The following MYCBP2 variants were observed in gnomAD, a reference collection of about 807,000 sequenced individuals.
MYCBP2 encodes the protein MYC binding protein 2.
Under a neutral mutation model 525.3 loss-of-function variants are expected in MYCBP2, and 120 were observed. That is an observed-to-expected ratio of 0.23 (90% CI 0.20 to 0.27). The LOEUF (loss-of-function observed/expected upper bound fraction) is 0.27. Ranked by LOEUF, MYCBP2 falls within the 10% of genes least tolerant of loss-of-function variation. The probability of loss-of-function intolerance (pLI) is 1.00; values close to 1 mark genes in which losing one functional copy is unlikely to be tolerated. For missense variants in MYCBP2, 4,149 were observed against 5,657.1 expected (o/e 0.73, Z 8.55); for synonymous variants, 1,894 against 1,955.8 (o/e 0.97, Z 0.83).
chr13:77,244,767 C>G (rs1305978042), intron 15 of MYCBP2, among the ~76,000 whole-genome samples: 5 of 152,142 alleles, frequency 3.3e-5, no homozygotes, highest in Admixed American at 6.5e-5. Flanking sequence ...ATTTACTCAT[C>G]TGACAAAGGG....
chr13:77,152,838 G>T (rs1325679960), intron 46 of MYCBP2, among the ~76,000 whole-genome samples: 1 of 152,086 alleles, frequency 6.6e-6, no homozygotes, highest in Non-Finnish European at 1.5e-5. Context: ...GTCTGAGGCG[G>T]GCGAATCACA....
chr13:77,267,748 T>A, intron 8 of MYCBP2, 93 bp downstream of exon 8: 1 of 968,098 alleles, frequency 1.0e-6, no homozygotes, highest in Non-Finnish European at 1.7e-6. Context: ...GCAAGCACTA[T>A]CCCTTGCTAA....
At chr13:77,223,784 T>C (rs2065901560) in intron 20 of MYCBP2, among the ~76,000 whole-genome samples, 1 of 152,196 alleles carries the variant, frequency 6.6e-6, no homozygotes, top group Non-Finnish European at 1.5e-5. Flanking sequence ...AGGTACACCC[T>C]TTCCCTTTAA....
intron 1 of MYCBP2, among the ~76,000 whole-genome samples, chr13:77,317,988 T>TAACAC (rs2081166615): frequency 6.7e-6 from 1 of 149,114 alleles, no homozygotes; most frequent in Non-Finnish European, 1.5e-5. Context: ...TAACATAACA[T>TAACAC]AACATAACAT....
chr13:77,184,002 CTCT>C (rs1169879909), intron 32 of MYCBP2, among the ~76,000 whole-genome samples: 1 of 151,948 alleles, frequency 6.6e-6, no homozygotes, highest in African/African-American at 2.4e-5. Flanking sequence ...TTGATTTCTG[CTCT>C]TATCTTTATT....
intron 1 of MYCBP2, among the ~76,000 whole-genome samples, chr13:77,307,929 T>G (rs2079672277): frequency 6.6e-6 from 1 of 152,172 alleles, no homozygotes; most frequent in African/African-American, 2.4e-5. Context: ...TTTTTCTTCC[T>G]CTTCCTGTCC....
At chr13:77,313,746 A>G (rs538784576) in intron 1 of MYCBP2, among the ~76,000 whole-genome samples, 1 of 152,062 alleles carries the variant, frequency 6.6e-6, no homozygotes, top group Non-Finnish European at 1.5e-5. Context: ...AATACCAAGA[A>G]CTTTTTTCCC....
chr13:77,206,674 G>C lies in MYCBP2; in HGVS notation c.3568C>G (p.His1190Asp). Residue 1190 changes from histidine (H) to aspartate (D), a missense_variant, in exon 24 of 83, where the codon CAT becomes GAT. Physicochemically the swap from His to Asp is moderately conservative, Grantham distance 81 (BLOSUM62 -1). Coordinates refer to ENST00000544440, the MANE Select transcript of MYCBP2 (RefSeq NM_015057.5). Reference sequence around the variant, plus strand: ...CTACCTAAAATGTGCAAAGCTGCATGAGATCGGGTAGTGAGGGCCCTTGAT... The same window carrying C: ...CTACCTAAAATGTGCAAAGCTGCATCAGATCGGGTAGTGAGGGCCCTTGAT... The part of the protein sequence containing the change: ...TGSRALTTRS[H>D]AALHILGCLD... 1 of 1,601,074 alleles carries C rather than the reference G, an allele frequency of 6.2e-7. No individual in the cohort carries two copies.
chr13:77,087,026 A>C (rs2044422823), intron 62 of MYCBP2, among the ~76,000 whole-genome samples: 1 of 152,088 alleles, frequency 6.6e-6, no homozygotes, highest in South Asian at 2.1e-4. Context: ...TTGAGGGTCT[A>C]TTTCTACTGT....
chr13:77,294,131 C>CATATATATATATACACAT lies in MYCBP2; in HGVS notation c.378+2467_378+2468insATGTGTATATATATATAT. Among the ~76,000 whole-genome samples the CATATATATATATACACAT allele has an allele frequency of 7.6e-5, 5 of 65,692 alleles. No individual in the cohort carries two copies. The East Asian group carries it at 1.1e-3, about 15-fold the overall frequency. The allele number at this position is 65,692 out of a possible 152,430, so 43.1% of individuals were successfully genotyped here. On this transcript the variant is annotated intron_variant, in intron 2 of 82. Coordinates refer to ENST00000544440, the MANE Select transcript of MYCBP2 (RefSeq NM_015057.5). ...ATATATATATATATATATATATATA[C>CATATATATATATACACAT]ATATATATATACATATATATAAAAT...
In MYCBP2 at chr13:77,098,509, C is replaced by T. The variant is rs181551745; in HGVS notation, c.8645G>A (p.Arg2882His). 2.5e-5 allele frequency: 40 copies of T among 1,613,660 alleles called. No homozygotes were observed. Among genetic ancestry groups the T allele is most frequent in the South Asian group, 6.6e-5 (6 of 91,056 alleles). The change falls in exon 56 of 83, where the codon CGC becomes CAC. Residue 2882 changes from arginine (R) to histidine (H), a missense_variant. Physicochemically the swap from Arg to His is conservative, Grantham distance 29. This residue lies in a region of MYCBP2 where 653 missense variants were observed against 744.7 expected (regional missense o/e 0.88). Coordinates refer to ENST00000544440, the MANE Select transcript of MYCBP2 (RefSeq NM_015057.5). Reference sequence around the variant, plus strand: ...TTCTGTGAGGGGCATTTTCTTCTTGCGGAGGGTATCTGGATCAAGTGTGTA... The same window carrying T: ...TTCTGTGAGGGGCATTTTCTTCTTGTGGAGGGTATCTGGATCAAGTGTGTA... ...DSYTLDPDTL[R>H]KKKMPLTEPL...
At chr13:77,323,037 C>T (rs1567261233) in intron 1 of MYCBP2, among the ~76,000 whole-genome samples, 1 of 152,152 alleles carries the variant, frequency 6.6e-6, no homozygotes, top group Non-Finnish European at 1.5e-5. Context: ...CAAAAACAAA[C>T]AGACAAAAAA....
chr13:77,201,169 A>G (rs967287864), intron 26 of MYCBP2, among the ~76,000 whole-genome samples: 1 of 151,556 alleles, frequency 6.6e-6, no homozygotes, highest in African/African-American at 2.4e-5. Context: ...AGAGACGCAT[A>G]TAGGCTCAAA....
intron 68 of MYCBP2, among the ~76,000 whole-genome samples, chr13:77,073,238 C>T (rs1162853985): frequency 6.6e-6 from 1 of 151,756 alleles, no homozygotes; most frequent in African/African-American, 2.4e-5. Context: ...TATGGATTAT[C>T]TTACGGAATA....
chr13:77,203,926 C>A (rs1345479477), intron 26 of MYCBP2, among the ~76,000 whole-genome samples: 1 of 151,836 alleles, frequency 6.6e-6, no homozygotes, highest in Non-Finnish European at 1.5e-5. Context: ...AACGTTAGAC[C>A]TAAAACCATA....
chr13:77,110,770 C>A (rs756762307), intron 55 of MYCBP2, among the ~76,000 whole-genome samples: 2 of 152,054 alleles, frequency 1.3e-5, no homozygotes, highest in Non-Finnish European at 2.9e-5. Context: ...ATAGAAAGAA[C>A]CTACGTTGAA....
chr13:77,111,563 C>T (rs954648427), intron 55 of MYCBP2, among the ~76,000 whole-genome samples: 1 of 147,728 alleles, frequency 6.8e-6, no homozygotes, highest in Non-Finnish European at 1.5e-5. Flanking sequence ...AATATAGGTG[C>T]AGCCCTCAAT....
chr13:77,183,992 T>C (rs1595215117), intron 32 of MYCBP2, among the ~76,000 whole-genome samples: 1 of 152,294 alleles, frequency 6.6e-6, no homozygotes, highest in East Asian at 1.9e-4. Context: ...TTCTATTTCA[T>C]TGATTTCTGC....
intron 71 of MYCBP2, 96 bp from the exon 72 acceptor site, chr13:77,066,184 G>A: frequency 1.2e-6 from 1 of 837,044 alleles, no homozygotes; most frequent in South Asian, 1.7e-5. Flanking sequence ...CAGCATTTTA[G>A]ATTTTTAAGT....
Sources: gnomAD v4.1 joint callset for allele counts (sites outside exome capture counted in the v4.1 genomes callset) on GRCh38, gnomAD v4.1.1 for gene constraint, gnomAD v4.1.1 regional missense constraint, MANE v1.5 for transcripts, NCBI Gene and HGNC (gene_info 2026-07-23, HGNC 2026-07-21) for gene names.